Variants in ABCG2 observed in about 807,000 individuals in gnomAD.
The protein encoded by ABCG2 is ATP binding cassette subfamily G member 2 (JR blood group), also known as broad substrate specificity ATP-binding cassette transporter ABCG2.
Under a neutral mutation model 73.5 loss-of-function variants are expected in ABCG2, and 80 were observed. That is an observed-to-expected ratio of 1.09 (90% CI 0.91 to 1.31). The LOEUF is 1.31. Ranked by LOEUF, ABCG2 falls within the 50% of genes most tolerant of loss-of-function variation. ABCG2 has a pLI of 0.00. For missense variants in ABCG2, 796 were observed against 786.2 expected, an observed-to-expected ratio of 1.01 and a Z score of -0.15; for synonymous variants, 269 against 282.4, an observed-to-expected ratio of 0.95 and a Z score of 0.48.
intron 4 of ABCG2, 77 bp from the exon 5 acceptor site, chr4:88,131,290 A>G: frequency 7.1e-7 from 1 of 1,415,176 alleles, no homozygotes; most frequent in Non-Finnish European, 9.8e-7. Flanking sequence ...AGTATACATA[A>G]CATAATCCAC....
intron 7 of ABCG2, among the ~76,000 whole-genome samples, chr4:88,116,397 T>C (rs112152659): frequency 5.3e-5 from 8 of 152,206 alleles, no homozygotes; most frequent in African/African-American, 1.9e-4. Flanking sequence ...ATCCCCTTTA[T>C]TAAAACCTAA....
chr4:88,208,562 C>T (rs1223572838), intron 1 of ABCG2, among the ~76,000 whole-genome samples: 1 of 152,174 alleles, frequency 6.6e-6, no homozygotes, highest in Non-Finnish European at 1.5e-5. Context: ...GTGACCCACC[C>T]TTATCAGTTA....
In ABCG2 at chr4:88,107,171, C is replaced by T. The variant is rs1339631054; in HGVS notation, c.1277+13G>A. 7 of 1,586,990 alleles carry T rather than the reference C, an allele frequency of 4.4e-6. No homozygotes were observed. The highest frequency in any genetic ancestry group is 6.0e-6 in the Non-Finnish European group (7 of 1,164,410). ...ACAGCATTTTCTGAAAATCAAGATC[C>T]AAATTTACTTACCTGTTCTGGATTC... On this transcript the variant is annotated intron_variant, in intron 10 of 15. Transcript: ENST00000237612.
intron 1 of ABCG2, among the ~76,000 whole-genome samples, chr4:88,193,547 A>G (rs1467028311): frequency 6.6e-6 from 1 of 152,042 alleles, no homozygotes; most frequent in African/African-American, 2.4e-5. Flanking sequence ...AATTTTTAAG[A>G]GGTTTCTGTT....
At chr4:88,122,848 A>G (rs957037810) in intron 5 of ABCG2, among the ~76,000 whole-genome samples, 5 of 152,074 alleles carry the variant, frequency 3.3e-5, no homozygotes, top group Non-Finnish European at 7.4e-5. Flanking sequence ...TGGGTCCTTG[A>G]CCCCTGTGCC....
At chr4:88,121,459 T>C (rs1723965065) in intron 6 of ABCG2, among the ~76,000 whole-genome samples, 176 bp downstream of exon 6, 1 of 152,230 alleles carries the variant, frequency 6.6e-6, no homozygotes, top group African/African-American at 2.4e-5. Flanking sequence ...CATCCTTCCC[T>C]ACATTCTTAC....
Position 88,113,385 on chromosome 4 carries a change from G to A in ABCG2, c.1112C>T (p.Thr371Ile), listed in dbSNP as rs777743802. The A allele has an allele frequency of 3.1e-6, 5 of 1,614,168 alleles. No homozygotes were observed. In the East Asian group the frequency reaches 6.7e-5, roughly 22 times the overall value. ...CCATCTGAGTTGATGACAGAAGGAGGTGGTGTAGCTGATCTCCTTGAAGAC... is the reference window on the plus strand; with the variant it reads ...CCATCTGAGTTGATGACAGAAGGAGATGGTGTAGCTGATCTCCTTGAAGAC... The part of the protein sequence containing the change: ...ITVFKEISYT[T>I]SFCHQLRWVS... The change falls in exon 9 of 16, where the codon ACC (threonine) becomes ATC (isoleucine). Residue 371 changes from threonine (T) to isoleucine (I), a missense_variant. Physicochemically the swap from Thr to Ile is moderately conservative, Grantham distance 89 (BLOSUM62 -1). Transcript: ENST00000237612.
rs542581079 is a variant in ABCG2, at chr4:88,220,584, C to G, written c.-20+10410G>C. ...CAAAGTGCTTTTACTGCTGCTTCCT[C>G]CTGAAGGAGCATCCTTCTGTCAGCC... On this transcript the variant is annotated intron_variant, in intron 1 of 15. Transcript: ENST00000515655. The G allele has an allele frequency of 2.6e-5, 4 of 152,942 alleles. No homozygotes were observed. In the East Asian group the frequency reaches 7.7e-4, roughly 29 times the overall value. 9.5% of individuals were successfully genotyped at this position (152,942 alleles called of 1,614,324 possible). A position where few individuals can be genotyped will look rare whatever the true frequency, so the allele number is the denominator to read the frequency against.
Position 88,165,224 on chromosome 4 carries a change from T to C in ABCG2, c.-19-25210A>G, listed in dbSNP as rs78204370. On this transcript the variant is annotated intron_variant, in intron 1 of 15. Coordinates refer to the ABCG2 transcript ENST00000515655. ...AAAATGATGAATATTTGAATAGACT[T>C]CTATTCGTTTTCTATTGCTGCCATA... Among the ~76,000 whole-genome samples the C allele has an allele frequency of 6.9e-3, 1,048 of 152,354 alleles. 11 individuals carry two copies. Among genetic ancestry groups the C allele is most frequent in the African/African-American group, 0.022 (932 of 41,582 alleles).
At chr4:88,226,719 C>A (rs946588634) in intron 1 of ABCG2, 1 of 152,336 alleles carries the variant, frequency 6.6e-6, no homozygotes, top group Non-Finnish European at 1.5e-5. Flanking sequence ...TTATTCAGTA[C>A]CCTGACATGT....
intron 2 of ABCG2, among the ~76,000 whole-genome samples, chr4:88,134,536 G>T (rs1303079821): frequency 3.3e-5 from 5 of 152,158 alleles, no homozygotes; most frequent in Non-Finnish European, 7.4e-5. Flanking sequence ...TATAGCTCTT[G>T]ATGCATCTTC....
At chr4:88,216,108 G>T (rs1729801227) in intron 1 of ABCG2, among the ~76,000 whole-genome samples, 1 of 152,188 alleles carries the variant, frequency 6.6e-6, no homozygotes. Context: ...AACCCACTTA[G>T]GTGTGACTGT....
chr4:88,199,393 G>A (rs540378885), intron 1 of ABCG2, among the ~76,000 whole-genome samples: 26 of 152,040 alleles, frequency 1.7e-4, no homozygotes, highest in Admixed American at 1.7e-3. Flanking sequence ...ATTACACATA[G>A]GTATATCATA....
intron 1 of ABCG2, among the ~76,000 whole-genome samples, chr4:88,230,648 T>C (rs1167506914): frequency 1.3e-5 from 2 of 152,082 alleles, no homozygotes; most frequent in Non-Finnish European, 2.9e-5. Context: ...TGTCTGATTG[T>C]CTTCTCAGGT....
chr4:88,117,935 G>A (rs1234752988), intron 7 of ABCG2, among the ~76,000 whole-genome samples, 174 bp downstream of exon 7: 1 of 152,116 alleles, frequency 6.6e-6, no homozygotes, highest in Non-Finnish European at 1.5e-5. Context: ...TAACAAGCTG[G>A]TGCTACAAAA....
chr4:88,213,152 C>T (rs1729667868), intron 1 of ABCG2, among the ~76,000 whole-genome samples: 1 of 152,158 alleles, frequency 6.6e-6, no homozygotes, highest in South Asian at 2.1e-4. Context: ...AATCTTCCCA[C>T]TTTAGCCTTT....
intron 2 of ABCG2, among the ~76,000 whole-genome samples, chr4:88,133,809 C>A (rs1306984828): frequency 6.6e-6 from 1 of 152,068 alleles, no homozygotes; most frequent in African/African-American, 2.4e-5. Context: ...ACCAGCCTGG[C>A]CAACATGGCA....
chr4:88,207,434 T>C (rs1370889904), intron 1 of ABCG2, among the ~76,000 whole-genome samples: 1 of 152,170 alleles, frequency 6.6e-6, no homozygotes, highest in Non-Finnish European at 1.5e-5. Context: ...CTTAGTGATA[T>C]GAAACTGTGG....
intron 1 of ABCG2, among the ~76,000 whole-genome samples, chr4:88,189,468 C>A (rs1728593557): frequency 1.3e-5 from 2 of 151,914 alleles, no homozygotes; most frequent in Non-Finnish European, 2.9e-5. Flanking sequence ...GAGTTATGAT[C>A]ATGCCACTGT....
Sources: gnomAD v4.1 joint callset for allele counts (sites outside exome capture counted in the v4.1 genomes callset) on GRCh38, gnomAD v4.1.1 for gene constraint, MANE v1.5 for transcripts, NCBI Gene and HGNC (gene_info 2026-07-23, HGNC 2026-07-21) for gene names.